The following PELP1 variants were observed in gnomAD, a reference collection of about 807,000 sequenced individuals.
PELP1 encodes the protein proline-, glutamic acid- and leucine-rich protein 1.
Under a neutral mutation model 95.5 loss-of-function variants are expected in PELP1, and 32 were observed. That is an observed-to-expected ratio of 0.34 (90% CI 0.25 to 0.45). The LOEUF (loss-of-function observed/expected upper bound fraction) is 0.45. Ranked by LOEUF, PELP1 falls within the 20% of genes least tolerant of loss-of-function variation. The probability of loss-of-function intolerance (pLI) is 1.00; values close to 1 mark genes in which losing one functional copy is unlikely to be tolerated. For missense variants in PELP1, 1,358 were observed against 1,444.8 expected, an observed-to-expected ratio of 0.94 and a Z score of 0.97; for synonymous variants, 668 against 600.1, an observed-to-expected ratio of 1.11 and a Z score of -1.65.
chr17:4,682,315 T>G (rs1567663815), intron 5 of PELP1, among the ~76,000 whole-genome samples, 187 bp downstream of exon 5: 1 of 152,208 alleles, frequency 6.6e-6, no homozygotes, highest in Non-Finnish European at 1.5e-5. Context: ...AGTTCTTGAT[T>G]CCAACTTCTT....
In PELP1 at chr17:4,703,916, A is replaced by T. The variant is rs570703906; in HGVS notation, c.196T>A (p.Leu66Met). The change falls in exon 1 of 17, where the codon TTG (leucine) becomes ATG (methionine). Residue 66 changes from leucine (L) to methionine (M), a missense_variant. By Grantham distance (15) the Leu-to-Met change is conservative. Transcript: ENST00000572293. ...VHPPNRSAPH[L>M]PGLMCLLRLH... ...CGCAATAGGCACATGAGCCCGGGCA[A>T]ATGTGGGGCCGAGCGGTTTGGGGGA... The T allele has an allele frequency of 1.1e-5, 18 of 1,613,470 alleles. No individual in the cohort carries two copies. The South Asian group carries it at 1.5e-4, about 14-fold the overall frequency.
At chr17:4,687,915 G>A (rs1912964209) in intron 3 of PELP1, among the ~76,000 whole-genome samples, 1 of 152,206 alleles carries the variant, frequency 6.6e-6, no homozygotes, top group Non-Finnish European at 1.5e-5. Flanking sequence ...ACCTTATACT[G>A]AACAGGGAAA....
chr17:4,675,931 A>G lies in PELP1; in HGVS notation c.981-47T>C. 1.3e-6 allele frequency: 2 copies of G among 1,584,028 alleles called. No individual in the cohort carries two copies. The highest frequency in any genetic ancestry group is 8.6e-7 in the Non-Finnish European group (1 of 1,161,360). ...AGACCTTCAGAGCAGGCTCCCTGGCATAACTCCCACACCCACCTTCATCTC... is the reference window on the plus strand; with the variant it reads ...AGACCTTCAGAGCAGGCTCCCTGGCGTAACTCCCACACCCACCTTCATCTC... On this transcript the variant is annotated intron_variant, in intron 8 of 16. Transcript: ENST00000572293. This position sits in a 1 kb window ranked among gnomAD's most constrained non-coding sequence, Gnocchi z 4.3.
Position 4,674,665 on chromosome 17 carries a change from C to G in PELP1, c.1427G>C (p.Arg476Pro), listed in dbSNP as rs571210213. The G allele has an allele frequency of 6.3e-7, 1 of 1,595,922 alleles. No individual in the cohort carries two copies. Among genetic ancestry groups the G allele is most frequent in the Admixed American group, 1.9e-5 (1 of 53,218 alleles). Residue 476 changes from arginine (R) to proline (P), a missense_variant, in exon 13 of 17, where the codon CGT (arginine) becomes CCT (proline). By Grantham distance (103) the Arg-to-Pro change is moderately radical. This residue lies in a region of PELP1 where 538 missense variants were observed against 628.1 expected (regional missense o/e 0.86). Coordinates refer to ENST00000572293, the MANE Select transcript of PELP1 (RefSeq NM_014389.3). ...CCCATCAGGGCTCCCCCGCGGGCTA[C>G]GCAGCTGGAGGCAGAGAAAACATAA... ...ISPPADALKL[R>P]SPRGSPDGSL...
rs954106188 is a variant in PELP1 at position 4,672,172 on chromosome 17, C to T, written c.2819G>A (p.Gly940Asp). 1.9e-6 allele frequency: 3 copies of T among 1,551,870 alleles called. No individual in the cohort carries two copies. Among genetic ancestry groups the T allele is most frequent in the African/African-American group, 2.7e-5 (2 of 72,964 alleles). Residue 940 changes from glycine to aspartate, a missense_variant, in exon 16 of 17, where the codon GGT becomes GAT. This residue lies in a region of PELP1 where 283 missense variants were observed against 284.1 expected (regional missense o/e 1.00). Transcript: ENST00000572293. ...CTCTTCTTCTTCTTCCTCTAACTCACCTTCTTCTTCCTCAAATTCTTCCTC... is the reference window on the plus strand; with the variant it reads ...CTCTTCTTCTTCTTCCTCTAACTCATCTTCTTCTTCCTCAAATTCTTCCTC... ...EFEEEFEEEE[G>D]ELEEEEEEED...
chr17:4,694,917 G>A (rs545257573), intron 1 of PELP1, among the ~76,000 whole-genome samples: 2 of 151,780 alleles, frequency 1.3e-5, no homozygotes, highest in East Asian at 3.9e-4. Context: ...TTGAACCCGG[G>A]AGAATCGCTT....
At chr17:4,702,326 G>A (rs1385789400) in intron 1 of PELP1, among the ~76,000 whole-genome samples, 2 of 152,164 alleles carry the variant, frequency 1.3e-5, no homozygotes, top group African/African-American at 2.4e-5. Flanking sequence ...GGCTGAGGTG[G>A]GAGGATCCCT....
chr17:4,685,822 C>A, intron 3 of PELP1, among the ~76,000 whole-genome samples: 1 of 140,834 alleles, frequency 7.1e-6, no homozygotes, highest in South Asian at 2.2e-4. Flanking sequence ...AAGGGCTGGG[C>A]TTGGTAGCTC....
chr17:4,686,268 G>A (rs890322071), intron 3 of PELP1, among the ~76,000 whole-genome samples: 17 of 152,116 alleles, frequency 1.1e-4, no homozygotes, highest in Non-Finnish European at 4.4e-5. Context: ...CTGTCTTCCA[G>A]TGTTCAGGAA....
At chr17:4,687,380 G>T (rs4261601) in intron 3 of PELP1, among the ~76,000 whole-genome samples, 148,642 of 152,010 alleles carry the variant, frequency 0.98, 72,757 homozygotes, top group Middle Eastern at 1. Flanking sequence ...CCATCTCTAC[G>T]AAAAATACAA....
In PELP1 at chr17:4,672,952, GCTGAGGGCATGGAGCCCA is replaced by G. The variant is rs766662075; in HGVS notation, c.2021_2038del (p.Val674_Ser679del). 85 of 1,603,820 alleles carry G rather than the reference GCTGAGGGCATGGAGCCCA, an allele frequency of 5.3e-5. No individual in the cohort carries two copies. The highest frequency in any genetic ancestry group is 1.0e-4 in the South Asian group (9 of 89,748). ...GGGGCCTGCTGAAGGCATGGGGCCT[GCTGAGGGCATGGAGCCCA>G]CTGAGGGCATGGGGCCCGGAGGATG... On this transcript the variant is annotated inframe_deletion, in exon 16 of 17. Transcript: ENST00000572293.
Position 4,676,825 on chromosome 17 carries a change from G to A in PELP1, c.643-13C>T. 6.4e-7 allele frequency: 1 copy of A among 1,555,684 alleles called. No homozygotes were observed. Among genetic ancestry groups the A allele is most frequent in the Non-Finnish European group, 8.7e-7 (1 of 1,148,744 alleles). ...AGGCCAGCTTGCCCTGGATGTGGAG[G>A]AAAAAAGGAAGAGGCCAGTGAGCCA... On this transcript the variant is annotated splice_polypyrimidine_tract_variant and intron_variant, in intron 5 of 16. Transcript: ENST00000572293.
At chr17:4,676,911 CT>C in intron 5 of PELP1, 99 bp from the exon 6 acceptor site, 1 of 886,556 alleles carries the variant, frequency 1.1e-6, no homozygotes, top group South Asian at 1.5e-5. Flanking sequence ...AAGCCCAGGT[CT>C]CTTTTTCCTG....
At chr17:4,698,441 T>C (rs1321082214) in intron 1 of PELP1, among the ~76,000 whole-genome samples, 1 of 148,612 alleles carries the variant, frequency 6.7e-6, no homozygotes, top group Admixed American at 6.8e-5. Flanking sequence ...GAGACCAGCC[T>C]GGCCAACATG....
At chr17:4,680,826 T>C (rs778549458) in intron 5 of PELP1, among the ~76,000 whole-genome samples, 2 of 152,252 alleles carry the variant, frequency 1.3e-5, no homozygotes, top group Non-Finnish European at 2.9e-5. Context: ...TTAGGTATAG[T>C]TGGCATCCAA....
At chr17:4,699,730 G>C (rs746733399) in intron 1 of PELP1, among the ~76,000 whole-genome samples, 7 of 151,850 alleles carry the variant, frequency 4.6e-5, no homozygotes, top group Admixed American at 6.6e-5. Context: ...GGGATTACAG[G>C]CATGCGTCAC....
chr17:4,698,091 C>T (rs1450348407), intron 1 of PELP1, among the ~76,000 whole-genome samples: 2 of 151,028 alleles, frequency 1.3e-5, no homozygotes, highest in Non-Finnish European at 2.9e-5. Context: ...GTGATCCTCC[C>T]ACTTCGGCCT....
At chr17:4,701,995 A>C (rs1177414820) in intron 1 of PELP1, among the ~76,000 whole-genome samples, 1 of 152,234 alleles carries the variant, frequency 6.6e-6, no homozygotes, top group African/African-American at 2.4e-5. Flanking sequence ...CAGACATGTA[A>C]GAAAAATAAG....
chr17:4,694,511 T>A (rs1384885259), intron 1 of PELP1, among the ~76,000 whole-genome samples: 274 of 9,978 alleles, frequency 0.027, no homozygotes, highest in Non-Finnish European at 0.042. Context: ...AAAAAAAAAA[T>A]CAGCCAGGCG....
Sources: allele counts gnomAD v4.1 joint callset (sites outside exome capture counted in the v4.1 genomes callset), GRCh38; gene constraint gnomAD v4.1.1; regional missense constraint gnomAD v4.1.1; non-coding constraint Gnocchi (gnomAD v3.1); transcripts MANE v1.5; gene names NCBI Gene and HGNC (gene_info 2026-07-23, HGNC 2026-07-21).